SLC25A14: variants seen among roughly 807,000 people sequenced by gnomAD.
SLC25A14 encodes the protein brain mitochondrial carrier protein 1.
In SLC25A14, 8 loss-of-function variants were observed where a neutral mutation model predicts 28.1. That is an observed-to-expected ratio of 0.28 (90% CI 0.17 to 0.51). The LOEUF is 0.51. Ranked by LOEUF, SLC25A14 falls within the 20% of genes least tolerant of loss-of-function variation. The probability of loss-of-function intolerance (pLI) is 0.97; values close to 1 mark genes in which losing one functional copy is unlikely to be tolerated. For synonymous variants in SLC25A14, 74 were observed against 90.6 expected, an observed-to-expected ratio of 0.82 and a Z score of 1.04; for missense variants, 135 against 263.8, an observed-to-expected ratio of 0.51 and a Z score of 3.38.
intron 4 of SLC25A14, 33 bp downstream of exon 4, chrX:130,346,724 G>A: frequency 2.6e-6 from 3 of 1,136,387 alleles, no homozygotes; most frequent in Non-Finnish European, 3.6e-6. Flanking sequence ...ATCATTAACA[G>A]AAATGCTTTT....
intron 4 of SLC25A14, among the ~76,000 whole-genome samples, chrX:130,348,784 C>T (rs1406213568): frequency 0.01 from 263 of 25,873 alleles, 9 homozygotes; most frequent in Middle Eastern, 0.026. Flanking sequence ...GACTCTACCC[C>T]CCCCCCCCCT....
At chrX:130,367,318 T>C (rs1198822214) in intron 9 of SLC25A14, among the ~76,000 whole-genome samples, 1 of 110,481 alleles carries the variant, frequency 9.1e-6, no homozygotes, top group Non-Finnish European at 1.9e-5. Context: ...TGTGGAGGGG[T>C]GTGGGAGAAA....
In SLC25A14 at chrX:130,364,969, C is replaced by G. The variant is rs751415150; in HGVS notation, c.719+217C>G. On this transcript the variant is annotated intron_variant, in intron 8 of 10. Coordinates refer to ENST00000545805, the MANE Select transcript of SLC25A14 (RefSeq NM_001282195.2). ...GGGTACTTGGGAACATTGTCTAATA[C>G]AGCAGCCTATCAGAGGTCTATTTGA... is the stretch of plus-strand genomic sequence containing the variant. 3.6e-5 allele frequency: 33 copies of G among 915,415 alleles called. No individual in the cohort carries two copies. In the South Asian group the frequency reaches 7.4e-4, roughly 21 times the overall value. 75.4% of individuals were successfully genotyped at this position (915,415 alleles called of 1,213,427 possible).
rs765839746 is a variant in SLC25A14 at position 130,368,951 on chromosome X, A to G, written c.856-2613A>G. ...TCATTTACTCACTTGCTACTAAAAA[A>G]TTTTAATAGCAGTCATTCTTTAAAA... On this transcript the variant is annotated intron_variant, in intron 9 of 10. Transcript: ENST00000545805. Among the ~76,000 whole-genome samples, 36 of 112,688 alleles carry G rather than the reference A, an allele frequency of 3.2e-4. No homozygotes were observed. In the Admixed American group the frequency reaches 3.3e-3, roughly 10 times the overall value.
In SLC25A14 at chrX:130,339,992, T is replaced by C. The variant is rs2033191660; in HGVS notation, c.-173+16T>C. ...GCCCGAGCAGGTGAGGGGGAGCTCC[T>C]GGACTTCCAGGCTGGGGAGCGGGGC... On this transcript the variant is annotated intron_variant, in intron 1 of 10. Transcript: ENST00000545805. 1 of 928,013 alleles carries C rather than the reference T, an allele frequency of 1.1e-6. No homozygotes were observed. Among genetic ancestry groups the C allele is most frequent in the Admixed American group, 5.5e-5 (1 of 18,193 alleles). The allele number at this position is 928,013 out of a possible 1,213,427, so 76.5% of individuals were successfully genotyped here. A position where few individuals can be genotyped will look rare whatever the true frequency, so the allele number is the denominator to read the frequency against.
rs777720654 is a variant in SLC25A14, at chrX:130,370,929, T to A, written c.856-635T>A. ...GGATTGCAAAGCAGCTTAGCTGAGT[T>A]GATTCTGGCTTAGGCTGTCTCCTGA... On this transcript the variant is annotated intron_variant, in intron 9 of 10. Coordinates refer to ENST00000545805, the MANE Select transcript of SLC25A14 (RefSeq NM_001282195.2). Among the ~76,000 whole-genome samples the A allele has an allele frequency of 2.6e-4, 29 of 111,858 alleles. 2 individuals carry two copies. The highest frequency in any genetic ancestry group is 2.9e-4 in the Admixed American group (3 of 10,509).
intron 7 of SLC25A14, 145 bp from the exon 8 acceptor site, chrX:130,364,483 T>C: frequency 2.9e-6 from 1 of 343,423 alleles, no homozygotes; most frequent in Non-Finnish European, 5.1e-6. Flanking sequence ...TATGTTCCAT[T>C]ATTAGTCATT....
At chrX:130,345,082 T>G in intron 2 of SLC25A14, 100 bp from the exon 3 acceptor site, 2 of 582,598 alleles carry the variant, frequency 3.4e-6, no homozygotes, top group South Asian at 5.8e-5. Flanking sequence ...TTCTTCTACA[T>G]CTATTTTATT....
chrX:130,345,926 G>A (rs1227975376), intron 3 of SLC25A14, among the ~76,000 whole-genome samples: 1 of 111,187 alleles, frequency 9.0e-6, no homozygotes, highest in Non-Finnish European at 1.9e-5. Flanking sequence ...GATGTAAGAG[G>A]TTTGGTTAAA....
chrX:130,373,070 C>A lies in SLC25A14; in HGVS notation c.*120C>A. ...TACCAAGCCGTTGGTCTCCTAAGGG[C>A]CTCCTGATGGAAGAACAGTGGGGTG... On this transcript the variant is annotated 3_prime_UTR_variant, in exon 11 of 11. Coordinates refer to ENST00000545805, the MANE Select transcript of SLC25A14 (RefSeq NM_001282195.2). The A allele has an allele frequency of 1.9e-6, 1 of 513,137 alleles. No homozygotes were observed. The highest frequency in any genetic ancestry group is 3.3e-6 in the Non-Finnish European group (1 of 303,808). The allele number at this position is 513,137 out of a possible 1,213,427, so 42.3% of individuals were successfully genotyped here. A position where few individuals can be genotyped will look rare whatever the true frequency, so the allele number is the denominator to read the frequency against.
At chrX:130,343,061 T>C (rs2033314970) in intron 2 of SLC25A14, among the ~76,000 whole-genome samples, 1 of 111,342 alleles carries the variant, frequency 9.0e-6, no homozygotes, top group Admixed American at 9.6e-5. Context: ...ATTTTCCTTA[T>C]TAAAGGGCTG....
In SLC25A14 at chrX:130,373,224, G is replaced by A. The variant is rs1413129189; in HGVS notation, c.*274G>A. On this transcript the variant is annotated 3_prime_UTR_variant, in exon 11 of 11. Coordinates refer to ENST00000545805, the MANE Select transcript of SLC25A14 (RefSeq NM_001282195.2). ...GATACTGATGGGTGACATTGAAAACGGCCTGCTTTCCAAATGTGGTTAAAT... is the reference window on the plus strand; with the variant it reads ...GATACTGATGGGTGACATTGAAAACAGCCTGCTTTCCAAATGTGGTTAAAT... 9.9e-6 allele frequency: 3 copies of A among 301,986 alleles called. No homozygotes were observed. Among genetic ancestry groups the A allele is most frequent in the Non-Finnish European group, 1.7e-5 (3 of 177,483 alleles). 24.9% of individuals were successfully genotyped at this position (301,986 alleles called of 1,213,427 possible).
chrX:130,352,310 G>C (rs1236250501), intron 6 of SLC25A14, among the ~76,000 whole-genome samples: 1 of 112,152 alleles, frequency 8.9e-6, no homozygotes, highest in African/African-American at 3.2e-5. Context: ...TCTTTATCCA[G>C]TCCAACGGTG....
At chrX:130,363,734 T>A (rs1346666426) in intron 7 of SLC25A14, among the ~76,000 whole-genome samples, 1 of 111,245 alleles carries the variant, frequency 9.0e-6, no homozygotes, top group African/African-American at 3.3e-5. Flanking sequence ...CTTTCTTAAT[T>A]TTTTTAAATT....
chrX:130,357,927 A>C (rs1380196881), intron 6 of SLC25A14, among the ~76,000 whole-genome samples: 1 of 112,401 alleles, frequency 8.9e-6, no homozygotes, highest in Non-Finnish European at 1.9e-5. Flanking sequence ...TTATATTTTA[A>C]AACACATTTT....
chrX:130,363,557 T>C (rs2034034094), intron 7 of SLC25A14, among the ~76,000 whole-genome samples: 1 of 111,864 alleles, frequency 8.9e-6, no homozygotes, highest in Admixed American at 9.5e-5. Context: ...CTCTTGGGTA[T>C]ATACCTAGGT....
chrX:130,341,754 A>G (rs2033268283), intron 2 of SLC25A14, among the ~76,000 whole-genome samples: 1 of 112,435 alleles, frequency 8.9e-6, no homozygotes. Context: ...TTTTTATTTT[A>G]CCTTAGATAT....
chrX:130,351,748 T>C (rs2124753368), intron 6 of SLC25A14, among the ~76,000 whole-genome samples: 1 of 111,401 alleles, frequency 9.0e-6, no homozygotes, highest in Non-Finnish European at 1.9e-5. Flanking sequence ...GAGAGATCTA[T>C]TTATTGCAAT....
intron 2 of SLC25A14, among the ~76,000 whole-genome samples, chrX:130,342,432 C>T (rs1043510554): frequency 1.8e-5 from 2 of 111,158 alleles, no homozygotes; most frequent in Non-Finnish European, 3.8e-5. Flanking sequence ...ATATTTAGCT[C>T]AAGAAACATG....
Sources: gnomAD v4.1 joint callset for allele counts (sites outside exome capture counted in the v4.1 genomes callset) on GRCh38, gnomAD v4.1.1 for gene constraint, MANE v1.5 for transcripts, NCBI Gene and HGNC (gene_info 2026-07-23, HGNC 2026-07-21) for gene names.